Variants in OLA1 observed in about 807,000 individuals in gnomAD.
OLA1 encodes obg-like ATPase 1.
In OLA1, 14 loss-of-function variants were observed where a neutral mutation model predicts 48.4. That is an observed-to-expected ratio of 0.29 (90% CI 0.19 to 0.45). The LOEUF (loss-of-function observed/expected upper bound fraction) is 0.45. OLA1 is among the 20% of genes least tolerant of loss of function. The pLI, the probability that OLA1 is intolerant of heterozygous loss-of-function variation, is 1.00. For missense variants in OLA1, 325 were observed against 467.1 expected, an observed-to-expected ratio of 0.70 and a Z score of 2.80; for synonymous variants, 127 against 150.4, an observed-to-expected ratio of 0.84 and a Z score of 1.14.
At chr2:174,246,172 C>T (rs944783253) in intron 2 of OLA1, among the ~76,000 whole-genome samples, 6 of 150,600 alleles carry the variant, frequency 4.0e-5, no homozygotes, top group East Asian at 2.0e-4. Context: ...TGGTGGTGCG[C>T]GCCTGTAATC....
intron 4 of OLA1, among the ~76,000 whole-genome samples, chr2:174,154,166 G>C (rs1359587366): frequency 2.0e-5 from 3 of 152,174 alleles, no homozygotes; most frequent in African/African-American, 7.2e-5. Flanking sequence ...GCTGCACTCA[G>C]CCAATCAATG....
chr2:174,138,425 C>T (rs1172270242), intron 5 of OLA1, among the ~76,000 whole-genome samples: 3 of 152,172 alleles, frequency 2.0e-5, no homozygotes, highest in African/African-American at 4.8e-5. Flanking sequence ...CTATGTGCAT[C>T]GTTCATGGCT....
rs7274 is a variant in OLA1 at position 174,075,257 on chromosome 2, G to C, written c.*169C>G. 9.5e-4 allele frequency: 422 copies of C among 442,600 alleles called. 2 individuals carry two copies. The highest frequency in any genetic ancestry group is 3.2e-3 in the Middle Eastern group (5 of 1,584). The allele number at this position is 442,600 out of a possible 1,614,324, so 27.4% of individuals were successfully genotyped here. The stretch of plus-strand genomic sequence containing the variant: ...ATTTAGTGAACCTGCATTTCATGGG[G>C]GGGGGGGGGTACACAGTATTTTAAT... On this transcript the variant is annotated 3_prime_UTR_variant, in exon 11 of 11. Transcript: ENST00000284719.
chr2:174,212,293 A>G (rs907812604), intron 4 of OLA1, among the ~76,000 whole-genome samples: 2 of 152,252 alleles, frequency 1.3e-5, no homozygotes, highest in African/African-American at 2.4e-5. Flanking sequence ...GTATCTAAAC[A>G]TATTTAAATA....
intron 4 of OLA1, among the ~76,000 whole-genome samples, chr2:174,165,055 C>A (rs1687128947): frequency 6.6e-6 from 1 of 152,266 alleles, no homozygotes; most frequent in African/African-American, 2.4e-5. Flanking sequence ...AGGGAAAGTT[C>A]TGAGTCAGTG....
At chr2:174,080,618 C>T (rs994557069) in intron 9 of OLA1, among the ~76,000 whole-genome samples, 1 of 152,004 alleles carries the variant, frequency 6.6e-6, no homozygotes, top group Non-Finnish European at 1.5e-5. Context: ...TGAAAATAAA[C>T]ATTACTTCTA....
chr2:174,168,020 A>T (rs1056741671), intron 4 of OLA1, among the ~76,000 whole-genome samples: 2 of 152,240 alleles, frequency 1.3e-5, no homozygotes, highest in African/African-American at 4.8e-5. Context: ...AAAGGAAATC[A>T]GAAAGACTGC....
intron 4 of OLA1, among the ~76,000 whole-genome samples, chr2:174,151,609 TTA>T (rs1472035934): frequency 6.6e-6 from 1 of 152,150 alleles, no homozygotes; most frequent in East Asian, 1.9e-4. Flanking sequence ...AAAAAAAACT[TTA>T]TGTTTTCAAA....
intron 7 of OLA1, among the ~76,000 whole-genome samples, chr2:174,107,054 G>A (rs1214846041): frequency 6.6e-6 from 1 of 152,088 alleles, no homozygotes; most frequent in African/African-American, 2.4e-5. Flanking sequence ...ATGATAAAGG[G>A]TCATTAGGTT....
At chr2:174,076,744 CAT>C (rs1350193765) in intron 10 of OLA1, among the ~76,000 whole-genome samples, 2 of 151,094 alleles carry the variant, frequency 1.3e-5, no homozygotes, top group African/African-American at 2.4e-5. Flanking sequence ...CAATTAAAGG[CAT>C]ATGTGTGTGT....
At chr2:174,189,125 A>C (rs1489198841) in intron 4 of OLA1, among the ~76,000 whole-genome samples, 1 of 152,190 alleles carries the variant, frequency 6.6e-6, no homozygotes, top group Non-Finnish European at 1.5e-5. Context: ...CACATTATTG[A>C]ATAACCAAAG....
At chr2:174,224,492 C>T (rs776040015) in intron 3 of OLA1, among the ~76,000 whole-genome samples, 1 of 152,148 alleles carries the variant, frequency 6.6e-6, no homozygotes, top group Non-Finnish European at 1.5e-5. Flanking sequence ...CTTAAGAAGC[C>T]AGGCATGGTG....
intron 6 of OLA1, 52 bp downstream of exon 6, chr2:174,123,543 C>T: frequency 9.2e-7 from 1 of 1,091,014 alleles, no homozygotes; most frequent in Non-Finnish European, 1.3e-6. Flanking sequence ...AATTTGTTCC[C>T]TAGCAAATGA....
intron 4 of OLA1, among the ~76,000 whole-genome samples, chr2:174,166,746 T>A (rs1161321590): frequency 1.3e-5 from 2 of 152,198 alleles, no homozygotes; most frequent in Non-Finnish European, 2.9e-5. Context: ...AACTATTATC[T>A]TTAAAGTATG....
chr2:174,089,857 A>G (rs1283447279), intron 7 of OLA1, among the ~76,000 whole-genome samples: 1 of 149,730 alleles, frequency 6.7e-6, no homozygotes, highest in African/African-American at 2.5e-5. Flanking sequence ...AGTCGAGATC[A>G]TGCTACCGCA....
intron 7 of OLA1, among the ~76,000 whole-genome samples, chr2:174,098,091 T>C (rs912169570): frequency 5.3e-5 from 8 of 152,190 alleles, no homozygotes; most frequent in African/African-American, 1.7e-4. Context: ...AAAAAAGGAC[T>C]GGTGGCTCTT....
intron 7 of OLA1, among the ~76,000 whole-genome samples, chr2:174,118,867 A>C (rs1685844662): frequency 6.6e-6 from 1 of 152,196 alleles, no homozygotes; most frequent in East Asian, 1.9e-4. Flanking sequence ...GAAATTCCTA[A>C]TATGCATAGG....
chr2:174,176,322 T>C (rs893628718), intron 4 of OLA1, among the ~76,000 whole-genome samples: 3 of 152,154 alleles, frequency 2.0e-5, no homozygotes, highest in African/African-American at 7.2e-5. Context: ...GAATTTTACC[T>C]ATTCTGAAAT....
At chr2:174,223,227 C>A in intron 3 of OLA1, 67 bp from the exon 4 acceptor site, 1 of 1,417,284 alleles carries the variant, frequency 7.1e-7, no homozygotes, top group Non-Finnish European at 9.9e-7. Context: ...CAAATGAATT[C>A]TCCAAACATT....
Sources: allele counts gnomAD v4.1 joint callset (sites outside exome capture counted in the v4.1 genomes callset), GRCh38; gene constraint gnomAD v4.1.1; transcripts MANE v1.5; gene names NCBI Gene and HGNC (gene_info 2026-07-23, HGNC 2026-07-21).